The following NTSR1 variants were observed in gnomAD, a reference collection of about 807,000 sequenced individuals.
The protein encoded by NTSR1 is neurotensin receptor type 1.
A neutral mutation model predicts 31.2 loss-of-function variants in NTSR1; 29 were observed. The ratio of observed to expected loss-of-function variants is 0.93; its 90% CI spans 0.69 to 1.27. The LOEUF is 1.27. Among genes scored for constraint, NTSR1 ranks in the 50% most tolerant of loss-of-function variants. The pLI is 0.00. For missense variants in NTSR1, 697 were observed against 595.4 expected (o/e 1.17, Z -1.78); for synonymous variants, 282 against 269.9 (o/e 1.04, Z -0.44).
chr20:62,738,230 G>A (rs1451451744), intron 1 of NTSR1, among the ~76,000 whole-genome samples: 2 of 152,134 alleles, frequency 1.3e-5, no homozygotes, highest in Non-Finnish European at 2.9e-5. Flanking sequence ...CGCAGAGGGT[G>A]ACGGAGGGTG....
chr20:62,751,572 C>T (rs572986010), intron 1 of NTSR1, among the ~76,000 whole-genome samples: 64 of 152,262 alleles, frequency 4.2e-4, no homozygotes, highest in Admixed American at 2.0e-4. Flanking sequence ...CTGACGGCCA[C>T]GGATGCATTT....
intron 1 of NTSR1, among the ~76,000 whole-genome samples, chr20:62,717,111 G>A (rs1237168361): frequency 6.6e-6 from 1 of 152,194 alleles, no homozygotes; most frequent in Admixed American, 6.5e-5. Context: ...CCACCCTGGT[G>A]CCCACTGCTC....
rs1445166138 is a variant in NTSR1, at chr20:62,711,426, CCT to C, written c.714+1509_714+1510del. On this transcript the variant is annotated intron_variant, in intron 1 of 3. Transcript: ENST00000370501. The surrounding 1 kb of genome is among the most constrained non-coding windows in gnomAD (Gnocchi z 6.4). Reference sequence around the variant, plus strand: ...TTTGATTGGCATTGGCCAGGGGGAACCTCTCCCCAGTCCGCGTGGAGGGGCCC... The same window carrying C: ...TTTGATTGGCATTGGCCAGGGGGAACCTCCCCAGTCCGCGTGGAGGGGCCC... Among the ~76,000 whole-genome samples the C allele has an allele frequency of 1.3e-5, 2 of 152,148 alleles. No individual in the cohort carries two copies. The highest frequency in any genetic ancestry group is 1.3e-4 in the Admixed American group (2 of 15,282).
chr20:62,751,400 G>A (rs1179991949), intron 1 of NTSR1, among the ~76,000 whole-genome samples: 1 of 152,192 alleles, frequency 6.6e-6, no homozygotes, highest in Non-Finnish European at 1.5e-5. Context: ...TATCCCTTAA[G>A]AAAAGGAATA....
chr20:62,760,124 C>T lies in NTSR1; in HGVS notation c.1114C>T (p.Arg372Cys), dbSNP rs149615776. 2.1e-5 allele frequency: 34 copies of T among 1,614,198 alleles called. No individual in the cohort carries two copies. Among genetic ancestry groups the T allele is most frequent in the South Asian group, 6.6e-5 (6 of 91,088 alleles). ...GTACAACCTCGTCTCTGCCAACTTC[C>T]GCCACATCTTCCTGGCCACACTGGC... ...ILYNLVSANFRHIFLATLACL... is the reference protein window; with the variant it reads ...ILYNLVSANFCHIFLATLACL... Residue 372 changes from arginine (R) to cysteine (C), a missense_variant, in exon 4 of 4, where the codon CGC becomes TGC. Transcript: ENST00000370501.
chr20:62,710,034 C>T, intron 1 of NTSR1, 113 bp downstream of exon 1: 1 of 964,616 alleles, frequency 1.0e-6, no homozygotes, highest in Non-Finnish European at 1.5e-6. Context: ...CAGTCTACTC[C>T]TGCGAGGCTG....
chr20:62,752,265 C>T (rs536420429), intron 1 of NTSR1, among the ~76,000 whole-genome samples: 2 of 152,344 alleles, frequency 1.3e-5, no homozygotes, highest in South Asian at 4.1e-4. Flanking sequence ...TGGACGTGCT[C>T]CCTTTGCTTG....
intron 1 of NTSR1, among the ~76,000 whole-genome samples, chr20:62,730,467 G>T (rs1186985589): frequency 6.6e-6 from 1 of 152,118 alleles, no homozygotes; most frequent in Non-Finnish European, 1.5e-5. Flanking sequence ...TCCATTATCT[G>T]GATGTCCCCC....
chr20:62,726,693 T>C (rs1345587972), intron 1 of NTSR1, among the ~76,000 whole-genome samples: 2 of 51,902 alleles, frequency 3.9e-5, no homozygotes, highest in Non-Finnish European at 1.1e-4. Context: ...GGAACCTGTC[T>C]CAAAAAAAAA....
At chr20:62,737,171 G>A (rs924481790) in intron 1 of NTSR1, among the ~76,000 whole-genome samples, 30 of 152,312 alleles carry the variant, frequency 2.0e-4, no homozygotes, top group South Asian at 8.3e-4. Flanking sequence ...GATCAGCCCC[G>A]TGTTCGTGAG....
In NTSR1 at chr20:62,758,496, T is replaced by G; in HGVS notation, c.1007+140T>G. Reference sequence around the variant, plus strand: ...CCCCCGGCGACCCCCTGGGCAGGGTTGTGCTGTGACTGGGGCCGGGAGAAG... The same window carrying G: ...CCCCCGGCGACCCCCTGGGCAGGGTGGTGCTGTGACTGGGGCCGGGAGAAG... On this transcript the variant is annotated intron_variant, in intron 3 of 3. Transcript: ENST00000370501. This position sits in a 1 kb window ranked among gnomAD's most constrained non-coding sequence, Gnocchi z 4.5. 2 of 741,682 alleles carry G rather than the reference T, an allele frequency of 2.7e-6. No homozygotes were observed. The highest frequency in any genetic ancestry group is 2.2e-5 in the Admixed American group (1 of 45,814). The allele number at this position is 741,682 out of a possible 1,614,324, so 45.9% of individuals were successfully genotyped here.
intron 1 of NTSR1, among the ~76,000 whole-genome samples, chr20:62,752,920 C>T (rs1215149873): frequency 2.0e-5 from 3 of 152,024 alleles, no homozygotes; most frequent in African/African-American, 4.8e-5. Context: ...CAGATCCGGA[C>T]GCCCAAGCAG....
Position 62,741,200 on chromosome 20 carries a change from G to T in NTSR1, c.715-13485G>T, listed in dbSNP as rs1989200217. 6.6e-6 allele frequency among the ~76,000 whole-genome samples: 1 copy of T among 151,370 alleles called. No individual in the cohort carries two copies. The highest frequency in any genetic ancestry group is 2.4e-5 in the African/African-American group (1 of 41,408). ...CCCGGCAGCCAGGCTGCTAAGTCAG[G>T]GGTCTCCCGGCAGCCAGGCTGCTGC... On this transcript the variant is annotated intron_variant, in intron 1 of 3. Transcript: ENST00000370501. This position sits in a 1 kb window ranked among gnomAD's most constrained non-coding sequence, Gnocchi z 4.3.
Position 62,709,324 on chromosome 20 carries a change from G to C in NTSR1, c.117G>C (p.Ser39=), listed in dbSNP as rs61730136. 9 of 1,607,806 alleles carry C rather than the reference G, an allele frequency of 5.6e-6. No homozygotes were observed. The highest frequency in any genetic ancestry group is 5.5e-5 in the South Asian group (5 of 90,738). ...TGGCCCCGGGCTTCGGCAACGCTTC[G>C]GGCAACGCGTCGGAGCGCGTCCTGG... ...ALLAPGFGNA[S]GNASERVLAA... is the part of the protein sequence containing the mutation. Residue 39 remains serine (S), a synonymous_variant, in exon 1 of 4, where the codon TCG becomes TCC. Transcript: ENST00000370501.
intron 1 of NTSR1, among the ~76,000 whole-genome samples, chr20:62,729,911 C>T (rs563208611): frequency 9.2e-5 from 14 of 152,152 alleles, no homozygotes; most frequent in Non-Finnish European, 1.9e-4. Context: ...GCCTGAGCCA[C>T]CATGCCTGGC....
chr20:62,739,619 A>G (rs1232498178), intron 1 of NTSR1, among the ~76,000 whole-genome samples: 1 of 152,250 alleles, frequency 6.6e-6, no homozygotes, highest in Non-Finnish European at 1.5e-5. Flanking sequence ...TGTGTTCACC[A>G]TAATCAGATT....
At chr20:62,755,742 C>A (rs181589379) in intron 2 of NTSR1, among the ~76,000 whole-genome samples, 6 of 1,204 alleles carry the variant, frequency 5.0e-3, no homozygotes, top group Non-Finnish European at 0.011. Flanking sequence ...CCCTCCCTCC[C>A]TCCCTCCAGC....
intron 1 of NTSR1, among the ~76,000 whole-genome samples, chr20:62,721,174 T>C (rs1244414316): frequency 6.6e-6 from 1 of 152,212 alleles, no homozygotes; most frequent in Non-Finnish European, 1.5e-5. Context: ...TCTAGAATTT[T>C]TATTGGTTCT....
chr20:62,756,783 C>CTAATAGAT (rs2147149802), intron 2 of NTSR1: 1 of 152,366 alleles, frequency 6.6e-6, no homozygotes, highest in Non-Finnish European at 1.5e-5. Flanking sequence ...AGTAGCCATC[C>CTAATAGAT]TAATAGATTT....
Sources: gnomAD v4.1 joint callset for allele counts (sites outside exome capture counted in the v4.1 genomes callset) on GRCh38, gnomAD v4.1.1 for gene constraint, Gnocchi (gnomAD v3.1) non-coding constraint, MANE v1.5 for transcripts, NCBI Gene and HGNC (gene_info 2026-07-23, HGNC 2026-07-21) for gene names.